Variants in MAGI1 observed in about 807,000 individuals in gnomAD.
MAGI1 encodes membrane associated guanylate kinase, WW and PDZ domain containing 1.
MAGI1 carries 58 observed loss-of-function variants against 139.9 expected under a neutral mutation model. The observed-to-expected ratio is 0.41, with a 90% confidence interval of 0.34 to 0.52. The LOEUF is 0.52. Among genes scored for constraint, MAGI1 ranks in the 20% least tolerant of loss-of-function variants. The pLI, the probability that MAGI1 is intolerant of heterozygous loss-of-function variation, is 0.12. For missense variants in MAGI1, 1,874 were observed against 1,901.6 expected (o/e 0.99, Z 0.27); for synonymous variants, 812 against 737.9 (o/e 1.10, Z -1.63).
intron 1 of MAGI1, among the ~76,000 whole-genome samples, chr3:65,757,922 A>G (rs9841082): frequency 0.061 from 9,345 of 152,286 alleles, 426 homozygotes; most frequent in African/African-American, 0.13. Flanking sequence ...CAATAGAGAC[A>G]CATAATCTTC....
At chr3:65,723,965 A>C (rs1456681308) in intron 1 of MAGI1, among the ~76,000 whole-genome samples, 2 of 152,230 alleles carry the variant, frequency 1.3e-5, no homozygotes, top group Non-Finnish European at 2.9e-5. Context: ...CTGTGAACAC[A>C]CACATTTCAA....
rs960132385 is a variant in MAGI1 at position 65,834,337 on chromosome 3, C to T, written c.313+203659G>A. 7.0e-4 allele frequency among the ~76,000 whole-genome samples: 107 copies of T among 152,100 alleles called. 1 individual carries two copies. The highest frequency in any genetic ancestry group is 2.4e-3 in the African/African-American group (100 of 41,396). ...GAGCATTCCACACAGAAACCTCAAA[C>T]AGTGTGAATGAGCTTAACATGTTCA... On this transcript the variant is annotated intron_variant, in intron 1 of 22. Transcript: ENST00000402939.
At chr3:65,459,705 T>C (rs1949646119) in intron 5 of MAGI1, among the ~76,000 whole-genome samples, 1 of 152,130 alleles carries the variant, frequency 6.6e-6, no homozygotes, top group Non-Finnish European at 1.5e-5. Context: ...GGTAGATTTC[T>C]TGAGCCCAGG....
intron 2 of MAGI1, among the ~76,000 whole-genome samples, chr3:65,583,624 G>A (rs368014754): frequency 6.6e-6 from 1 of 152,002 alleles, no homozygotes; most frequent in Non-Finnish European, 1.5e-5. Flanking sequence ...ACAGAAAGGA[G>A]GTTGAAAGCA....
chr3:65,493,623 G>A lies in MAGI1; in HGVS notation c.439C>T (p.Arg147Ter), dbSNP rs563469250. 3.7e-6 allele frequency: 6 copies of A among 1,613,974 alleles called. No homozygotes were observed. Among genetic ancestry groups the A allele is most frequent in the African/African-American group, 1.3e-5 (1 of 75,012 alleles). ...LYRHAVPCTTRSPREGEVPGV... is the reference protein window; with the variant it reads ...LYRHAVPCTT ...GGCACTTCTCCTTCTCTGGGAGATC[G>A]GGTTGTGCCTGTAGCAGAAAATACA... Residue 147 changes from arginine (R) to a stop codon, truncating the protein, a stop_gained, in exon 3 of 23, where the codon CGA (arginine) becomes TGA (stop). Coordinates refer to ENST00000402939, the MANE Select transcript of MAGI1 (RefSeq NM_001033057.2). LOFTEE classifies it high-confidence loss of function.
intron 1 of MAGI1, among the ~76,000 whole-genome samples, chr3:65,995,608 T>C (rs997713978): frequency 2.0e-5 from 3 of 152,138 alleles, no homozygotes; most frequent in East Asian, 3.9e-4. Flanking sequence ...CAAATCCTAT[T>C]CAAACTATTG....
At chr3:65,854,013 C>A (rs2059292799) in intron 1 of MAGI1, among the ~76,000 whole-genome samples, 3 of 152,012 alleles carry the variant, frequency 2.0e-5, no homozygotes, top group Admixed American at 2.0e-4. Context: ...CAGGCTGAAG[C>A]AGGAGAATCA....
intron 5 of MAGI1, among the ~76,000 whole-genome samples, chr3:65,458,133 T>G (rs1050790539): frequency 6.6e-5 from 10 of 152,186 alleles, no homozygotes; most frequent in African/African-American, 2.4e-4. Flanking sequence ...CTAGTTCTCA[T>G]TCTTTTTTAT....
intron 11 of MAGI1, among the ~76,000 whole-genome samples, chr3:65,430,347 T>A (rs4514994): frequency 0.61 from 92,001 of 151,950 alleles, 28,837 homozygotes; most frequent in East Asian, 0.76. Context: ...GAGAATGTAA[T>A]AATCACTCAC....
At position 65,850,362 on chromosome 3, in the gene MAGI1, G is replaced by A. The variant is rs544668362; in HGVS notation, c.313+187634C>T. Among the ~76,000 whole-genome samples the A allele has an allele frequency of 1.1e-4, 17 of 152,130 alleles. No individual in the cohort carries two copies. The South Asian group carries it at 1.9e-3, about 17-fold the overall frequency. On this transcript the variant is annotated intron_variant, in intron 1 of 22. Coordinates refer to ENST00000402939, the MANE Select transcript of MAGI1 (RefSeq NM_001033057.2). The stretch of plus-strand genomic sequence containing the variant: ...CAAACTTAATCCCAGTTTGCCCGGC[G>A]CTTTCTGGGTTTTAAAACTGAAAGT...
At chr3:65,477,238 G>C (rs1215959670) in intron 4 of MAGI1, among the ~76,000 whole-genome samples, 1 of 152,140 alleles carries the variant, frequency 6.6e-6, no homozygotes, top group Non-Finnish European at 1.5e-5. Flanking sequence ...AGTCCTCTGA[G>C]CTTAGCTAAT....
Position 65,373,756 on chromosome 3 carries a change from T to C in MAGI1, c.3196+1989A>G, listed in dbSNP as rs58526828. Among the ~76,000 whole-genome samples, 473 of 152,312 alleles carry C rather than the reference T, an allele frequency of 3.1e-3. 5 individuals carry two copies. The highest frequency in any genetic ancestry group is 0.011 in the African/African-American group (443 of 41,570). On this transcript the variant is annotated intron_variant, in intron 18 of 22. Coordinates refer to ENST00000402939, the MANE Select transcript of MAGI1 (RefSeq NM_001033057.2). ...TGTAACAGCTTTCCAGAGTGGTGAA[T>C]TGGTGGAATGAACTCCAGACCAGTT...
chr3:65,812,901 G>A (rs1360310586), intron 1 of MAGI1, among the ~76,000 whole-genome samples: 1 of 151,214 alleles, frequency 6.6e-6, no homozygotes, highest in Non-Finnish European at 1.5e-5. Flanking sequence ...AGCAGAGATG[G>A]GGTTTCTCCA....
rs562910821 is a variant in MAGI1 at position 65,557,674 on chromosome 3, C to T, written c.431-64043G>A. Among the ~76,000 whole-genome samples the T allele has an allele frequency of 4.1e-4, 63 of 152,200 alleles. No homozygotes were observed. The South Asian group carries it at 7.0e-3, about 17-fold the overall frequency. ...ACTTGGTAATTACGTATTTGTTTAA[C>T]GAAATCGATCAGTGCCAGTCTCCTC... On this transcript the variant is annotated intron_variant, in intron 2 of 22. Transcript: ENST00000402939.
intron 1 of MAGI1, among the ~76,000 whole-genome samples, chr3:65,718,013 T>G (rs571618964): frequency 2.0e-5 from 3 of 152,180 alleles, no homozygotes; most frequent in Non-Finnish European, 4.4e-5. Flanking sequence ...GCAGAGTTAC[T>G]GTGGAAGGTT....
intron 1 of MAGI1, among the ~76,000 whole-genome samples, chr3:65,904,009 A>G (rs75016188): frequency 6.7e-6 from 1 of 148,820 alleles, no homozygotes; most frequent in African/African-American, 2.4e-5. Context: ...CTCTTTCTCA[A>G]AAAAAAAAAA....
rs376913616 is a variant in MAGI1 at position 65,959,002 on chromosome 3, C to A, written c.313+78994G>T. Among the ~76,000 whole-genome samples the A allele has an allele frequency of 3.1e-3, 461 of 150,568 alleles. 2 individuals are homozygous for A. The highest frequency in any genetic ancestry group is 8.8e-3 in the African/African-American group (361 of 41,042). On this transcript the variant is annotated intron_variant, in intron 1 of 22. Coordinates refer to ENST00000402939, the MANE Select transcript of MAGI1 (RefSeq NM_001033057.2). Reference sequence around the variant, plus strand: ...ACTGTAACTCAAAAAAAAAAAACAACAAAAAAAACCACATTTTGCCCCTTG... The same window carrying A: ...ACTGTAACTCAAAAAAAAAAAACAAAAAAAAAAACCACATTTTGCCCCTTG...
chr3:65,503,229 G>C (rs1323688745), intron 2 of MAGI1, among the ~76,000 whole-genome samples: 1 of 152,168 alleles, frequency 6.6e-6, no homozygotes, highest in Admixed American at 6.5e-5. Context: ...TTGACTGATT[G>C]TCATCCCTAT....
At chr3:65,750,944 G>C (rs991351506) in intron 1 of MAGI1, among the ~76,000 whole-genome samples, 1 of 152,174 alleles carries the variant, frequency 6.6e-6, no homozygotes, top group Non-Finnish European at 1.5e-5. Context: ...AAAGTGGCTT[G>C]AAACCTTTCT....
Sources: allele counts gnomAD v4.1 joint callset (sites outside exome capture counted in the v4.1 genomes callset), GRCh38; gene constraint gnomAD v4.1.1; transcripts MANE v1.5; gene names NCBI Gene and HGNC (gene_info 2026-07-23, HGNC 2026-07-21).